RTTN: variants seen among roughly 807,000 people sequenced by gnomAD.
RTTN encodes rotatin.
RTTN carries 182 observed loss-of-function variants against 269.2 expected under a neutral mutation model. The observed-to-expected ratio is 0.68, with a 90% CI of 0.60 to 0.76. RTTN has a LOEUF of 0.76. Among genes scored for constraint, RTTN ranks in the 30% least tolerant of loss-of-function variants. The probability of loss-of-function intolerance (pLI) is 0.00; values close to 1 mark genes in which losing one functional copy is unlikely to be tolerated. For synonymous variants in RTTN, 1,006 were observed against 963.5 expected, an observed-to-expected ratio of 1.04 and a Z score of -0.82; for missense variants, 2,545 against 2,608.6, an observed-to-expected ratio of 0.98 and a Z score of 0.53.
At chr18:70,202,172 C>T (rs568672466) in intron 3 of RTTN, among the ~76,000 whole-genome samples, 189 bp from the exon 4 acceptor site, 1 of 152,280 alleles carries the variant, frequency 6.6e-6, no homozygotes, top group African/African-American at 2.4e-5. Context: ...AGCCCACTTC[C>T]AGTTAAGAAG....
At chr18:70,166,361 G>A in intron 13 of RTTN, 173 bp from the exon 14 acceptor site, 1 of 529,036 alleles carries the variant, frequency 1.9e-6, no homozygotes, top group Non-Finnish European at 3.2e-6. Flanking sequence ...TTTCAGGGCA[G>A]AGGAGGTTCT....
At chr18:70,080,450 C>T (rs914199022) in intron 32 of RTTN, among the ~76,000 whole-genome samples, 1 of 152,148 alleles carries the variant, frequency 6.6e-6, no homozygotes, top group Middle Eastern at 3.4e-3. Context: ...AAGAAATTTC[C>T]CCTGGCCAAA....
At chr18:70,130,549 G>A (rs1441052554) in intron 23 of RTTN, 3 of 149,662 alleles carry the variant, frequency 2.0e-5, no homozygotes, top group African/African-American at 7.4e-5. Context: ...AACATCACAT[G>A]TTCTCCTTTA....
At chr18:70,125,993 A>G (rs148708421) in intron 25 of RTTN, among the ~76,000 whole-genome samples, 1 of 152,198 alleles carries the variant, frequency 6.6e-6, no homozygotes, top group East Asian at 1.9e-4. Context: ...CTGTGTTGCC[A>G]TGATCAAACA....
At position 70,135,145 on chromosome 18, in the gene RTTN, TAGTTA is replaced by T. The variant is rs771045424; in HGVS notation, c.2885+34_2885+38del. On this transcript the variant is annotated intron_variant, in intron 22 of 48. Coordinates refer to ENST00000640769, the MANE Select transcript of RTTN (RefSeq NM_173630.4). ...GATTACATCAGATACCTGAGATAAA[TAGTTA>T]AGAGTAAAAAACTTATAAATTCTTA... 26 of 1,124,748 alleles carry T rather than the reference TAGTTA, an allele frequency of 2.3e-5. No homozygotes were observed. The East Asian group carries it at 6.8e-4, about 29-fold the overall frequency. 69.7% of individuals were successfully genotyped at this position (1,124,748 alleles called of 1,614,324 possible). A position where few individuals can be genotyped will look rare whatever the true frequency, so the allele number is the denominator to read the frequency against.
At chr18:70,027,724 T>C (rs867018656) in intron 43 of RTTN, among the ~76,000 whole-genome samples, 2 of 152,186 alleles carry the variant, frequency 1.3e-5, no homozygotes, top group African/African-American at 4.8e-5. Context: ...TAATGGCACT[T>C]TTGTCTTGAG....
chr18:70,039,203 T>C (rs1416274223), intron 40 of RTTN, among the ~76,000 whole-genome samples: 1 of 151,924 alleles, frequency 6.6e-6, no homozygotes, highest in Non-Finnish European at 1.5e-5. Context: ...AATATTCAAG[T>C]ACAAGAAGGT....
chr18:70,117,850 T>C (rs2059638641), intron 26 of RTTN, among the ~76,000 whole-genome samples: 1 of 151,876 alleles, frequency 6.6e-6, no homozygotes, highest in Non-Finnish European at 1.5e-5. Flanking sequence ...TATTCACATA[T>C]ACATAAAAAT....
chr18:70,020,864 T>C, intron 44 of RTTN, 47 bp from the exon 45 acceptor site: 1 of 1,529,242 alleles, frequency 6.5e-7, no homozygotes, highest in Non-Finnish European at 8.9e-7. Context: ...TTTCCCTGTT[T>C]AGTTTTTGAA....
At chr18:70,108,144 G>C (rs1599586163) in intron 28 of RTTN, among the ~76,000 whole-genome samples, 1 of 152,082 alleles carries the variant, frequency 6.6e-6, no homozygotes, top group South Asian at 2.1e-4. Flanking sequence ...GTGCGTGGTG[G>C]CAGGCGCCTG....
intron 27 of RTTN, among the ~76,000 whole-genome samples, chr18:70,110,860 C>T (rs954818371): frequency 1.3e-5 from 2 of 152,178 alleles, no homozygotes; most frequent in South Asian, 2.1e-4. Flanking sequence ...TGACCTGGGA[C>T]GCTAGAGCTT....
At chr18:70,128,603 A>G (rs1266575157) in intron 23 of RTTN, 57 bp from the exon 24 acceptor site, 1 of 1,463,300 alleles carries the variant, frequency 6.8e-7, no homozygotes, top group Non-Finnish European at 9.4e-7. Flanking sequence ...TGCTACTCAA[A>G]AAGATGAGCC....
At chr18:70,033,047 G>A (rs1344037135) in intron 40 of RTTN, among the ~76,000 whole-genome samples, 1 of 152,224 alleles carries the variant, frequency 6.6e-6, no homozygotes, top group East Asian at 1.9e-4. Flanking sequence ...CTGGATCATT[G>A]GGGTAGATCC....
Position 70,065,929 on chromosome 18 carries a change from AT to A in RTTN, c.4654-8del, listed in dbSNP as rs1568323311. The A allele has an allele frequency of 6.4e-7, 1 of 1,569,284 alleles. No individual in the cohort carries two copies. The highest frequency in any genetic ancestry group is 2.3e-5 in the East Asian group (1 of 44,268). ...TCCCCAATGAAGGTGCCACCTATGA[AT>A]CAGTAAATTATTTTACTTATTAATG... On this transcript the variant is annotated splice_region_variant and splice_polypyrimidine_tract_variant and intron_variant, in intron 34 of 48. Coordinates refer to ENST00000640769, the MANE Select transcript of RTTN (RefSeq NM_173630.4).
At position 70,004,223 on chromosome 18, in the gene RTTN, T is replaced by A; in HGVS notation, c.6609A>T (p.Ser2203=). The change falls in exon 49 of 49, where the codon TCA becomes TCT. Residue 2203 remains serine (S), a synonymous_variant. Transcript: ENST00000640769. ...YSLAKKTFPN[S]EANPLNAYYL... is the part of the protein sequence containing the mutation. ...AATAGGCATTTAGAGGGTTTGCTTC[T>A]GAGTTTGGGAAAGCTGAGATAGAAA... 2.5e-6 allele frequency: 4 copies of A among 1,613,278 alleles called. No homozygotes were observed. The highest frequency in any genetic ancestry group is 3.4e-6 in the Non-Finnish European group (4 of 1,179,322).
intron 44 of RTTN, among the ~76,000 whole-genome samples, chr18:70,022,079 T>G (rs1370993950): frequency 6.6e-6 from 1 of 152,164 alleles, no homozygotes; most frequent in African/African-American, 2.4e-5. Context: ...TCTAATTTAT[T>G]TTCTTAAATT....
chr18:70,176,414 C>T (rs976919900), intron 11 of RTTN, among the ~76,000 whole-genome samples: 1 of 152,202 alleles, frequency 6.6e-6, no homozygotes, highest in African/African-American at 2.4e-5. Flanking sequence ...AATAAACAAA[C>T]GTACAGACTG....
At chr18:70,017,794 C>A (rs1340795510) in intron 45 of RTTN, 120 bp from the exon 46 acceptor site, 2 of 748,736 alleles carry the variant, frequency 2.7e-6, no homozygotes, top group Admixed American at 3.0e-5. Flanking sequence ...TTTCTCCTTT[C>A]TAATAGCTTC....
At chr18:70,066,389 G>A (rs1341237524) in intron 34 of RTTN, among the ~76,000 whole-genome samples, 2 of 152,064 alleles carry the variant, frequency 1.3e-5, no homozygotes, top group African/African-American at 4.8e-5. Context: ...TCCTATCAAG[G>A]AAGAACACTA....
Sources: allele counts gnomAD v4.1 joint callset (sites outside exome capture counted in the v4.1 genomes callset), GRCh38; gene constraint gnomAD v4.1.1; transcripts MANE v1.5; gene names NCBI Gene and HGNC (gene_info 2026-07-23, HGNC 2026-07-21).